The following PPARGC1A variants were observed in gnomAD, a reference collection of about 807,000 sequenced individuals.
The protein encoded by PPARGC1A is PPARG coactivator 1 alpha, also known as peroxisome proliferator-activated receptor gamma coactivator 1-alpha.
In PPARGC1A, 25 loss-of-function variants were observed where a neutral mutation model predicts 88.7. The ratio of observed to expected loss-of-function variants is 0.28; its 90% CI spans 0.21 to 0.39. The LOEUF is 0.39. PPARGC1A is among the 10% of genes least tolerant of loss of function. The probability of loss-of-function intolerance (pLI) is 1.00; values close to 1 mark genes in which losing one functional copy is unlikely to be tolerated. For synonymous variants in PPARGC1A, 363 were observed against 355.6 expected, an observed-to-expected ratio of 1.02 and a Z score of -0.24; for missense variants, 880 against 968.7, an observed-to-expected ratio of 0.91 and a Z score of 1.22.
At chr4:24,021,364 G>A in the PPARGC1A span, among the ~76,000 whole-genome samples, 1 of 152,180 alleles carries the variant, frequency 6.6e-6, no homozygotes, top group African/African-American at 2.4e-5. Context: ...TCACTTGCTG[G>A]CCCTCTCACT....
At chr4:24,351,508 G>T in the PPARGC1A span, among the ~76,000 whole-genome samples, 1 of 152,040 alleles carries the variant, frequency 6.6e-6, no homozygotes, top group African/African-American at 2.4e-5. Flanking sequence ...TTGAAAGCAG[G>T]TTTAAAGAGA....
the PPARGC1A span, among the ~76,000 whole-genome samples, chr4:23,912,022 C>A: frequency 6.6e-6 from 1 of 152,090 alleles, no homozygotes; most frequent in Non-Finnish European, 1.5e-5. Flanking sequence ...AAGCTTGAAC[C>A]ACAAAGAGAC....
the PPARGC1A span, among the ~76,000 whole-genome samples, chr4:24,436,401 T>C: frequency 6.6e-6 from 1 of 152,170 alleles, no homozygotes. Context: ...GGCCAACGAG[T>C]TGACATCTAT....
At chr4:24,261,147 G>A in the PPARGC1A span, among the ~76,000 whole-genome samples, 4 of 152,088 alleles carry the variant, frequency 2.6e-5, no homozygotes, top group Non-Finnish European at 2.9e-5. Context: ...AGAGTCTCTG[G>A]GTAATAGAGA....
the PPARGC1A span, among the ~76,000 whole-genome samples, chr4:24,159,132 T>C: frequency 6.6e-6 from 1 of 152,038 alleles, no homozygotes; most frequent in Non-Finnish European, 1.5e-5. Flanking sequence ...TTGTTAATCC[T>C]TACAATCAGC....
the PPARGC1A span, among the ~76,000 whole-genome samples, chr4:23,988,906 ATAT>A: frequency 6.1e-4 from 90 of 147,478 alleles, no homozygotes; most frequent in South Asian, 2.1e-3. Context: ...ATATAAATAG[ATAT>A]TATTATATAA....
the PPARGC1A span, among the ~76,000 whole-genome samples, chr4:24,095,647 G>A: frequency 6.6e-6 from 1 of 152,116 alleles, no homozygotes; most frequent in African/African-American, 2.4e-5. Flanking sequence ...CAGTGTCCTA[G>A]TCCACTTGTG....
At chr4:24,115,495 A>G in the PPARGC1A span, among the ~76,000 whole-genome samples, 11 of 152,164 alleles carry the variant, frequency 7.2e-5, no homozygotes, top group Non-Finnish European at 1.0e-4. Context: ...GCAAAAACAG[A>G]CATCTCAATT....
At chr4:24,388,691 C>A in the PPARGC1A span, among the ~76,000 whole-genome samples, 95 of 152,198 alleles carry the variant, frequency 6.2e-4, 1 homozygote, top group African/African-American at 2.3e-3. Context: ...AATCTGGAAG[C>A]CATCATTCTC....
the PPARGC1A span, among the ~76,000 whole-genome samples, chr4:24,249,804 A>G: frequency 1.3e-5 from 2 of 152,158 alleles, no homozygotes; most frequent in Non-Finnish European, 2.9e-5. Context: ...CTAAGCCTCA[A>G]TTTCCCCATT....
the PPARGC1A span, among the ~76,000 whole-genome samples, chr4:24,387,946 AAGAAAG>A: frequency 1.5e-5 from 2 of 137,500 alleles, no homozygotes; most frequent in Non-Finnish European, 3.1e-5. Context: ...GAAAGAAAGA[AAGAAAG>A]AAAGAAAGGG....
At chr4:24,461,685 T>C in the PPARGC1A span, among the ~76,000 whole-genome samples, 1 of 152,098 alleles carries the variant, frequency 6.6e-6, no homozygotes, top group Non-Finnish European at 1.5e-5. Context: ...GGCAAGCTCA[T>C]TGTAGGTGCT....
the PPARGC1A span, among the ~76,000 whole-genome samples, chr4:23,989,808 ATTCT>A: frequency 2.0e-5 from 3 of 151,678 alleles, no homozygotes; most frequent in African/African-American, 7.3e-5. Flanking sequence ...TTCTCAGGCT[ATTCT>A]TTGACAAGAT....
At chr4:23,920,934 C>T in the PPARGC1A span, among the ~76,000 whole-genome samples, 4 of 152,048 alleles carry the variant, frequency 2.6e-5, no homozygotes, top group African/African-American at 9.7e-5. Context: ...ATATACCAGC[C>T]GCAGGACCCA....
chr4:24,205,646 CA>C, the PPARGC1A span, among the ~76,000 whole-genome samples: 4 of 152,184 alleles, frequency 2.6e-5, no homozygotes, highest in Admixed American at 6.5e-5. Flanking sequence ...CACACACCCA[CA>C]CGCTCCGATC....
chr4:24,365,770 A>G, the PPARGC1A span, among the ~76,000 whole-genome samples: 2 of 151,304 alleles, frequency 1.3e-5, no homozygotes, highest in Non-Finnish European at 3.0e-5. Context: ...TTTTTTTTTA[A>G]TATATGCTTC....
chr4:24,128,741 C>T, the PPARGC1A span, among the ~76,000 whole-genome samples: 2 of 152,180 alleles, frequency 1.3e-5, no homozygotes, highest in East Asian at 3.9e-4. Flanking sequence ...CAATTCTCTC[C>T]CCATCTTCTC....
chr4:24,012,292 A>G, the PPARGC1A span, among the ~76,000 whole-genome samples: 1 of 152,128 alleles, frequency 6.6e-6, no homozygotes, highest in Admixed American at 6.5e-5. Context: ...AGAGTTGGTC[A>G]TTTCTAGGTG....
chr4:23,873,805 AAAG>A (rs1483423716), intron 2 of PPARGC1A, among the ~76,000 whole-genome samples: 11 of 152,178 alleles, frequency 7.2e-5, no homozygotes, highest in African/African-American at 2.4e-4. Flanking sequence ...AAAGAAAAAA[AAAG>A]AAGTTTTAAA....
Sources: gnomAD v4.1 joint callset for allele counts (sites outside exome capture counted in the v4.1 genomes callset) on GRCh38, gnomAD v4.1.1 for gene constraint, MANE v1.5 for transcripts, NCBI Gene and HGNC (gene_info 2026-07-23, HGNC 2026-07-21) for gene names.